MSR1: variants seen among roughly 807,000 people sequenced by gnomAD.
The protein encoded by MSR1 is macrophage scavenger receptor 1.
In MSR1, 53 loss-of-function variants were observed where a neutral mutation model predicts 47.2. The ratio of observed to expected loss-of-function variants is 1.12; its 90% CI spans 0.90 to 1.41. MSR1 has a LOEUF of 1.41. Ranked by LOEUF, MSR1 falls within the 40% of genes most tolerant of loss-of-function variation. MSR1 has a pLI of 0.00. For missense variants in MSR1, 786 were observed against 546.9 expected (o/e 1.44, Z -4.36); for synonymous variants, 239 against 185.6 (o/e 1.29, Z -2.34).
At chr8:16,156,874 A>C (rs1585169861) in intron 5 of MSR1, among the ~76,000 whole-genome samples, 1 of 151,936 alleles carries the variant, frequency 6.6e-6, no homozygotes, top group East Asian at 1.9e-4. Flanking sequence ...TGTGCCCCCT[A>C]TTCCCTGCAG....
intron 3 of MSR1, among the ~76,000 whole-genome samples, chr8:16,169,638 T>C (rs1801424340): frequency 6.6e-6 from 1 of 152,148 alleles, no homozygotes; most frequent in South Asian, 2.1e-4. Flanking sequence ...TCAACCCTTA[T>C]CATATTATTA....
chr8:16,163,234 A>G (rs1396869183), intron 5 of MSR1, among the ~76,000 whole-genome samples: 1 of 151,994 alleles, frequency 6.6e-6, no homozygotes, highest in Admixed American at 6.6e-5. Flanking sequence ...CATAAAATAA[A>G]CTGGAAAAAA....
intron 7 of MSR1, among the ~76,000 whole-genome samples, chr8:16,144,882 T>C (rs1800657304): frequency 6.6e-6 from 1 of 152,100 alleles, no homozygotes; most frequent in Non-Finnish European, 1.5e-5. Context: ...TTATATATAA[T>C]TTTAGTGTTT....
intron 8 of MSR1, among the ~76,000 whole-genome samples, chr8:16,131,452 T>A (rs1800256842): frequency 6.8e-6 from 1 of 148,036 alleles, no homozygotes; most frequent in Non-Finnish European, 1.5e-5. Flanking sequence ...TTTTTTTTTT[T>A]TTTTTTTTTT....
intron 1 of MSR1, among the ~76,000 whole-genome samples, chr8:16,189,121 C>T (rs1311558716): frequency 6.9e-5 from 10 of 144,722 alleles, no homozygotes; most frequent in African/African-American, 2.0e-4. Flanking sequence ...TTCATATATA[C>T]GCAAAACCTT....
chr8:16,191,192 G>C (rs899120612), intron 1 of MSR1, among the ~76,000 whole-genome samples: 1 of 152,150 alleles, frequency 6.6e-6, no homozygotes, highest in African/African-American at 2.4e-5. Flanking sequence ...TTATGCTTAA[G>C]GAACCCGTCT....
chr8:16,166,149 G>C (rs1801300088), intron 4 of MSR1, among the ~76,000 whole-genome samples: 1 of 149,320 alleles, frequency 6.7e-6, no homozygotes, highest in Non-Finnish European at 1.5e-5. Context: ...TAAAAGCTGA[G>C]GCTACTTTTT....
chr8:16,187,582 G>T (rs996079201), intron 1 of MSR1, among the ~76,000 whole-genome samples: 4 of 151,760 alleles, frequency 2.6e-5, no homozygotes, highest in Non-Finnish European at 4.4e-5. Context: ...GTGGACTTTT[G>T]ATCTCTTTGG....
At chr8:16,136,782 C>T (rs924414207) in intron 8 of MSR1, among the ~76,000 whole-genome samples, 5 of 151,904 alleles carry the variant, frequency 3.3e-5, no homozygotes, top group Non-Finnish European at 7.4e-5. Flanking sequence ...TTTGTATTTT[C>T]GGTAGAGACA....
intron 8 of MSR1, chr8:16,140,650 A>C: frequency 5.8e-6 from 7 of 1,203,448 alleles, no homozygotes; most frequent in Admixed American, 4.1e-5. Flanking sequence ...AGAACCCAAT[A>C]AATTAAATTG....
intron 1 of MSR1, among the ~76,000 whole-genome samples, chr8:16,180,638 T>A (rs1336175833): frequency 6.6e-6 from 1 of 152,208 alleles, no homozygotes; most frequent in Non-Finnish European, 1.5e-5. Context: ...CTGGCATCTT[T>A]AGGACAGCAA....
chr8:16,185,826 T>C (rs570642078), intron 1 of MSR1, among the ~76,000 whole-genome samples: 24 of 140,802 alleles, frequency 1.7e-4, no homozygotes, highest in Non-Finnish European at 3.4e-4. Context: ...AGTCAAACAG[T>C]AGAAGATACC....
Position 16,110,137 on chromosome 8 carries a change from C to T in MSR1, c.1304G>A (p.Gly435Glu), listed in dbSNP as rs376521402. 2.5e-6 allele frequency: 4 copies of T among 1,613,480 alleles called. No homozygotes were observed. In the Admixed American group the frequency reaches 5.0e-5, roughly 20 times the overall value. The change falls in exon 10 of 10, where the codon GGG becomes GAG. Residue 435 changes from glycine to glutamate, a missense_variant. Physicochemically the swap from Gly to Glu is moderately conservative, Grantham distance 98 (BLOSUM62 -2). Coordinates refer to ENST00000262101, the MANE Select transcript of MSR1 (RefSeq NM_138715.3). ...SIEECKIRQW[G>E]TRACSHSEDA... ...TTCAGAATGTGAACAGGCTCTTGTC[C>T]CCCATTGCCGAATTTTACATTCTTC...
intron 4 of MSR1, among the ~76,000 whole-genome samples, chr8:16,167,012 G>T (rs372128250): frequency 1.3e-5 from 2 of 151,908 alleles, no homozygotes; most frequent in African/African-American, 4.8e-5. Flanking sequence ...CTCTGTGAGT[G>T]ACTACTGTTT....
chr8:16,162,892 A>G (rs919568833), intron 5 of MSR1, among the ~76,000 whole-genome samples: 4 of 151,942 alleles, frequency 2.6e-5, no homozygotes, highest in Non-Finnish European at 5.9e-5. Flanking sequence ...TTAAGGCTCC[A>G]CAAGATTGTC....
chr8:16,177,159 G>C (rs183857921), intron 2 of MSR1, among the ~76,000 whole-genome samples: 192 of 152,224 alleles, frequency 1.3e-3, no homozygotes, highest in African/African-American at 4.6e-3. Context: ...GTTGAATTCT[G>C]TGCCACCAAC....
intron 4 of MSR1, among the ~76,000 whole-genome samples, chr8:16,166,164 CTTTTTTTTTTTTTTTT>C (rs397892292): frequency 1.4e-5 from 1 of 71,306 alleles, no homozygotes; most frequent in Non-Finnish European, 2.5e-5. Flanking sequence ...CTTTTTCTTT[CTTTTTTTTTTTTTTTT>C]TTTTTTTTGA....
At chr8:16,128,015 G>A (rs1800167988) in intron 8 of MSR1, among the ~76,000 whole-genome samples, 1 of 152,100 alleles carries the variant, frequency 6.6e-6, no homozygotes, top group Admixed American at 6.6e-5. Context: ...GAACATCACT[G>A]AAATGTAAAT....
rs994754865 is a variant in MSR1, at chr8:16,160,211, C to T, written c.817+3854G>A. Among the ~76,000 whole-genome samples, 13 of 148,648 alleles carry T rather than the reference C, an allele frequency of 8.7e-5. No homozygotes were observed. The East Asian group carries it at 2.2e-3, about 25-fold the overall frequency. On this transcript the variant is annotated intron_variant, in intron 5 of 9. Coordinates refer to ENST00000262101, the MANE Select transcript of MSR1 (RefSeq NM_138715.3). The stretch of plus-strand genomic sequence containing the variant: ...GTCTGGGCAGGAAACAATTGCAACT[C>T]TGGCAAAGAGTCATAAGAATAATTT...
Sources: allele counts gnomAD v4.1 joint callset (sites outside exome capture counted in the v4.1 genomes callset), GRCh38; gene constraint gnomAD v4.1.1; transcripts MANE v1.5; gene names NCBI Gene and HGNC (gene_info 2026-07-23, HGNC 2026-07-21).